PTPRD: variants seen among roughly 807,000 people sequenced by gnomAD.
The protein encoded by PTPRD is protein tyrosine phosphatase receptor type D.
Under a neutral mutation model 214.5 loss-of-function variants are expected in PTPRD, and 34 were observed. The observed-to-expected ratio is 0.16, with a 90% CI of 0.12 to 0.21. PTPRD has a LOEUF of 0.21. Among genes scored for constraint, PTPRD ranks in the 10% least tolerant of loss-of-function variants. The pLI, the probability that PTPRD is intolerant of heterozygous loss-of-function variation, is 1.00. For synonymous variants in PTPRD, 1,128 were observed against 845.7 expected, an observed-to-expected ratio of 1.33 and a Z score of -5.79; for missense variants, 2,545 against 2,398.7, an observed-to-expected ratio of 1.06 and a Z score of -1.27.
chr9:10,246,241 T>TTTTTG (rs990058927), intron 3 of PTPRD, among the ~76,000 whole-genome samples: 2 of 151,866 alleles, frequency 1.3e-5, no homozygotes, highest in African/African-American at 4.8e-5. Context: ...CGATTGGCTA[T>TTTTTG]TTTTGTTTTG....
At chr9:9,799,596 A>T (rs2099025587) in intron 5 of PTPRD, 1 of 152,178 alleles carries the variant, frequency 6.6e-6, no homozygotes, top group Non-Finnish European at 1.5e-5. Context: ...CATAAACACT[A>T]ATGAGAACCA....
intron 9 of PTPRD, among the ~76,000 whole-genome samples, chr9:9,308,811 A>T (rs567125430): frequency 3.3e-5 from 5 of 152,182 alleles, no homozygotes; most frequent in Non-Finnish European, 7.4e-5. Flanking sequence ...TTTTTATCAC[A>T]TGAATTTATT....
intron 8 of PTPRD, among the ~76,000 whole-genome samples, chr9:9,531,753 C>G (rs2075524249): frequency 6.6e-6 from 1 of 151,968 alleles, no homozygotes. Context: ...GTTTGAACAC[C>G]TATTTTTAAT....
intron 4 of PTPRD, among the ~76,000 whole-genome samples, chr9:9,989,378 G>A (rs1340293364): frequency 6.6e-6 from 1 of 152,090 alleles, no homozygotes; most frequent in African/African-American, 2.4e-5. Context: ...AGCTCCACTG[G>A]TAGAGGAGCA....
chr9:8,662,920 A>G (rs537724291), intron 12 of PTPRD, among the ~76,000 whole-genome samples: 3 of 152,336 alleles, frequency 2.0e-5, no homozygotes, highest in African/African-American at 7.2e-5. Flanking sequence ...AATGCTAAGC[A>G]TATTATCTAA....
intron 3 of PTPRD, among the ~76,000 whole-genome samples, chr9:10,044,780 C>G (rs963558911): frequency 6.6e-6 from 1 of 151,644 alleles, no homozygotes; most frequent in Non-Finnish European, 1.5e-5. Context: ...CACAGCAGCA[C>G]AAACCTTCAG....
At chr9:9,270,660 C>T (rs1270512327) in intron 9 of PTPRD, among the ~76,000 whole-genome samples, 1 of 151,230 alleles carries the variant, frequency 6.6e-6, no homozygotes, top group Admixed American at 6.6e-5. Flanking sequence ...TTAGGGGATC[C>T]CATGATCTTA....
Position 8,630,953 on chromosome 9 carries a change from G to A in PTPRD, c.352+2364C>T, listed in dbSNP as rs116227421. 1.9e-3 allele frequency among the ~76,000 whole-genome samples: 282 copies of A among 151,868 alleles called. 4 individuals carry two copies. The highest frequency in any genetic ancestry group is 6.5e-3 in the African/African-American group (269 of 41,454). On this transcript the variant is annotated intron_variant, in intron 14 of 45. Transcript: ENST00000381196. ...TTGGAAAGTGAGAAAACTCAAAAAC[G>A]TTTCTGATAAGTTTTATTTTATTGT...
chr9:10,015,896 T>C (rs909755706), intron 4 of PTPRD, among the ~76,000 whole-genome samples: 7 of 152,194 alleles, frequency 4.6e-5, no homozygotes, highest in Non-Finnish European at 7.3e-5. Context: ...AGTACTGCTC[T>C]CCTGATCTTA....
intron 10 of PTPRD, among the ~76,000 whole-genome samples, chr9:9,092,915 T>C (rs969484874): frequency 6.6e-6 from 1 of 151,968 alleles, no homozygotes; most frequent in Admixed American, 6.6e-5. Flanking sequence ...AAAAACCCAA[T>C]ACTCTATTAT....
At chr9:9,611,732 T>G (rs1049729568) in intron 7 of PTPRD, among the ~76,000 whole-genome samples, 2 of 152,166 alleles carry the variant, frequency 1.3e-5, no homozygotes, top group African/African-American at 4.8e-5. Context: ...CATGTATATT[T>G]ATTGACTGAT....
intron 3 of PTPRD, among the ~76,000 whole-genome samples, chr9:10,112,886 A>C (rs898394031): frequency 1.4e-4 from 22 of 152,232 alleles, no homozygotes; most frequent in African/African-American, 5.3e-4. Flanking sequence ...AGTATAGACC[A>C]GTTCTCTGGT....
At chr9:9,680,823 C>T (rs753997954) in intron 7 of PTPRD, among the ~76,000 whole-genome samples, 1 of 151,724 alleles carries the variant, frequency 6.6e-6, no homozygotes, top group African/African-American at 2.4e-5. Context: ...GCCAGCTATG[C>T]AGACCATCCT....
At chr9:9,423,108 A>G (rs1295516321) in intron 8 of PTPRD, among the ~76,000 whole-genome samples, 1 of 152,010 alleles carries the variant, frequency 6.6e-6, no homozygotes, top group Non-Finnish European at 1.5e-5. Context: ...TTCTGATTCT[A>G]CTCCATCTGC....
At chr9:8,785,828 C>G (rs369142051) in intron 11 of PTPRD, among the ~76,000 whole-genome samples, 1 of 152,150 alleles carries the variant, frequency 6.6e-6, no homozygotes, top group East Asian at 1.9e-4. Flanking sequence ...CAAATAGAAA[C>G]TAGCAAAAGC....
intron 10 of PTPRD, among the ~76,000 whole-genome samples, chr9:9,046,043 G>A (rs1308790790): frequency 1.3e-5 from 2 of 152,024 alleles, no homozygotes; most frequent in Non-Finnish European, 2.9e-5. Context: ...TGAAAAATAT[G>A]GACAAAGATA....
intron 11 of PTPRD, among the ~76,000 whole-genome samples, chr9:8,827,023 T>C (rs1167362184): frequency 1.3e-5 from 2 of 151,956 alleles, no homozygotes; most frequent in Non-Finnish European, 2.9e-5. Flanking sequence ...CTCTAGTGTC[T>C]TTCTACCCCT....
chr9:8,832,406 T>A (rs6477359), intron 11 of PTPRD, among the ~76,000 whole-genome samples: 1 of 139,356 alleles, frequency 7.2e-6, no homozygotes, highest in Admixed American at 7.5e-5. Context: ...GCAGCTAAAA[T>A]CATCTTTTTT....
chr9:9,937,489 A>G (rs1313796118), intron 5 of PTPRD, among the ~76,000 whole-genome samples: 2 of 151,792 alleles, frequency 1.3e-5, no homozygotes, highest in Non-Finnish European at 2.9e-5. Context: ...AATTTTATAC[A>G]AGTATATATT....
Sources: gnomAD v4.1 joint callset for allele counts (sites outside exome capture counted in the v4.1 genomes callset) on GRCh38, gnomAD v4.1.1 for gene constraint, MANE v1.5 for transcripts, NCBI Gene and HGNC (gene_info 2026-07-23, HGNC 2026-07-21) for gene names.